SKIDA1: variants seen among roughly 807,000 people sequenced by gnomAD.
SKIDA1 encodes SKI/DACH domain containing 1.
Under a neutral mutation model 51.4 loss-of-function variants are expected in SKIDA1, and 18 were observed. That is an observed-to-expected ratio of 0.35 (90% confidence interval 0.24 to 0.52). SKIDA1 has a LOEUF of 0.52. SKIDA1 is among the 20% of genes least tolerant of loss of function. The pLI, the probability that SKIDA1 is intolerant of heterozygous loss-of-function variation, is 0.95. For synonymous variants in SKIDA1, 579 were observed against 500.5 expected (o/e 1.16, Z -2.09); for missense variants, 1,104 against 1,180.6 (o/e 0.94, Z 0.95).
rs1264404228 is a variant in SKIDA1 at position 21,519,298 on chromosome 10, G to A, written c.-1476C>T. On this transcript the variant is annotated 5_prime_UTR_variant, in exon 4 of 4. Transcript: ENST00000449193. ...TGGTTTGTGATGCTTTTGGTTGGTA[G>A]TTTAGGTAAATCTTCCACAACTCCC... The A allele has an allele frequency of 6.0e-6, 1 of 167,108 alleles. No individual in the cohort carries two copies. The highest frequency in any genetic ancestry group is 1.5e-5 in the Non-Finnish European group (1 of 68,126). The allele number at this position is 167,108 out of a possible 1,614,324, so 10.4% of individuals were successfully genotyped here.
rs1479071614 is a variant in SKIDA1 at position 21,518,189 on chromosome 10, T to C, written c.-367A>G. ...TTCCTTCTCCATTGGAGCACTATGATAATGGAATGTGAAGGGAGAAAGAGA... is the reference window on the plus strand; with the variant it reads ...TTCCTTCTCCATTGGAGCACTATGACAATGGAATGTGAAGGGAGAAAGAGA... On this transcript the variant is annotated 5_prime_UTR_variant, in exon 4 of 4. Transcript: ENST00000449193. 1 of 189,872 alleles carries C rather than the reference T, an allele frequency of 5.3e-6. No homozygotes were observed. The highest frequency in any genetic ancestry group is 2.3e-5 in the African/African-American group (1 of 42,600). The allele number at this position is 189,872 out of a possible 1,614,324, so 11.8% of individuals were successfully genotyped here.
At position 21,523,703 on chromosome 10, in the gene SKIDA1, C is replaced by T. The variant is rs1374080025; in HGVS notation, c.-1949G>A. On this transcript the variant is annotated 5_prime_UTR_variant, in exon 2 of 4. Transcript: ENST00000449193. ...CCTACCTATGGGCTGCTCAGCCATA[C>T]TGAAATCCTGAGCCACCACGAGGGG... 6.6e-6 allele frequency: 1 copy of T among 152,102 alleles called. No homozygotes were observed. Among genetic ancestry groups the T allele is most frequent in the Admixed American group, 6.6e-5 (1 of 15,256 alleles). The allele number at this position is 152,102 out of a possible 1,614,324, so 9.4% of individuals were successfully genotyped here. A position where few individuals can be genotyped will look rare whatever the true frequency, so the allele number is the denominator to read the frequency against.
rs778573636 is a variant in SKIDA1, at chr10:21,514,934, A to C, written c.*162T>G. On this transcript the variant is annotated 3_prime_UTR_variant, in exon 4 of 4. Transcript: ENST00000449193. ...CCCTACTCCAGAAAAAAAAAAAAAA[A>C]CCCGCAACGGAAAAAAAGTAATCCG... 445 of 826,688 alleles carry C rather than the reference A, an allele frequency of 5.4e-4. No homozygotes were observed. Among genetic ancestry groups the C allele is most frequent in the Admixed American group, 6.5e-4 (14 of 21,572 alleles). 51.2% of individuals were successfully genotyped at this position (826,688 alleles called of 1,614,324 possible).
chr10:21,517,840 C>T lies in SKIDA1; in HGVS notation c.-18G>A, dbSNP rs952516810. ...TCTCCCATCTCGGGCACTAAATGAT[C>T]CCCACCATTTGCAGTAAATATATAC... On this transcript the variant is annotated 5_prime_UTR_variant, in exon 4 of 4. Coordinates refer to ENST00000449193, the MANE Select transcript of SKIDA1 (RefSeq NM_207371.4). This position sits in a 1 kb window ranked among gnomAD's most constrained non-coding sequence, Gnocchi z 6.9. 4.4e-6 allele frequency: 7 copies of T among 1,587,736 alleles called. No individual in the cohort carries two copies. Among genetic ancestry groups the T allele is most frequent in the Non-Finnish European group, 6.0e-6 (7 of 1,163,104 alleles).
Position 21,514,325 on chromosome 10 carries a change from C to A in SKIDA1, c.*771G>T, listed in dbSNP as rs758582779. The A allele has an allele frequency of 6.6e-6, 1 of 150,500 alleles. No homozygotes were observed. The highest frequency in any genetic ancestry group is 1.5e-5 in the Non-Finnish European group (1 of 67,732). The allele number at this position is 150,500 out of a possible 1,614,324, so 9.3% of individuals were successfully genotyped here. ...ATAGTAAGAGTCACCTTATTTAAAA[C>A]CTTTGGGTGAGAACACAAAACAGAC... On this transcript the variant is annotated 3_prime_UTR_variant, in exon 4 of 4. Coordinates refer to ENST00000449193, the MANE Select transcript of SKIDA1 (RefSeq NM_207371.4).
chr10:21,516,867 C>T lies in SKIDA1; in HGVS notation c.956G>A (p.Gly319Glu). 7 of 1,306,880 alleles carry T rather than the reference C, an allele frequency of 5.4e-6. No individual in the cohort carries two copies. Among genetic ancestry groups the T allele is most frequent in the Non-Finnish European group, 6.8e-6 (7 of 1,033,052 alleles). 81.0% of individuals were successfully genotyped at this position (1,306,880 alleles called of 1,614,324 possible). A position where few individuals can be genotyped will look rare whatever the true frequency, so the allele number is the denominator to read the frequency against. The change falls in exon 4 of 4, where the codon GGG (glycine) becomes GAG (glutamate). Residue 319 changes from glycine (G) to glutamate (E), a missense_variant. Coordinates refer to ENST00000449193, the MANE Select transcript of SKIDA1 (RefSeq NM_207371.4). This position sits in a 1 kb window ranked among gnomAD's most constrained non-coding sequence, Gnocchi z 5.7. ...ATGAAACCTCTCCAGGCAAGTGGCC[C>T]CCGCGGCGGCCGCCGCCGCCGCTGC... ...AAAAAAAAAAGATCLERFHLV... is the reference protein window; with the variant it reads ...AAAAAAAAAAEATCLERFHLV...
chr10:21,520,497 C>A, intron 3 of SKIDA1, among the ~76,000 whole-genome samples: 1 of 144,138 alleles, frequency 6.9e-6, no homozygotes, highest in Non-Finnish European at 1.5e-5. Context: ...ATTCCCCTCC[C>A]CCAGCTTTAA....
chr10:21,517,510 G>C lies in SKIDA1; in HGVS notation c.313C>G (p.Arg105Gly). Residue 105 changes from arginine to glycine, a missense_variant, in exon 4 of 4, where the codon CGC becomes GGC. This residue lies in a region of SKIDA1 where 938 missense variants were observed against 886.4 expected (regional missense o/e 1.06). Coordinates refer to ENST00000449193, the MANE Select transcript of SKIDA1 (RefSeq NM_207371.4). The surrounding 1 kb of genome is among the most constrained non-coding windows in gnomAD (Gnocchi z 6.9). Reference sequence around the variant, plus strand: ...GCCAGGGCCCGGCCGACCCGCCTGCGCTTGGTCTTGAGGACGCGCTCGGTT... The same window carrying C: ...GCCAGGGCCCGGCCGACCCGCCTGCCCTTGGTCTTGAGGACGCGCTCGGTT... ...CKTERVLKTK[R>G]RRVGRALATK... The C allele has an allele frequency of 6.4e-7, 1 of 1,565,232 alleles. No homozygotes were observed. Among genetic ancestry groups the C allele is most frequent in the Non-Finnish European group, 8.7e-7 (1 of 1,154,926 alleles).
intron 1 of SKIDA1, among the ~76,000 whole-genome samples, chr10:21,524,976 A>C (rs571009445): frequency 6.6e-6 from 1 of 152,210 alleles, no homozygotes; most frequent in Non-Finnish European, 1.5e-5. Context: ...AGGCAGATAT[A>C]GACTAAATAA....
intron 3 of SKIDA1, among the ~76,000 whole-genome samples, chr10:21,520,682 T>C (rs2032369663): frequency 6.6e-6 from 1 of 150,736 alleles, no homozygotes; most frequent in Admixed American, 6.6e-5. Context: ...CTCCTACACA[T>C]AGCAACATGA....
At position 21,515,283 on chromosome 10, in the gene SKIDA1, A is replaced by C; in HGVS notation, c.2540T>G (p.Met847Arg). ...TGATGGTGGACAAGGAAAATTTGCC[A>C]TGAAATGAAATGGCCTTTTCACTGC... The part of the protein sequence containing the change: ...ASAVKRPFHF[M>R]ANFPCPPSLI... The change falls in exon 4 of 4, where the codon ATG becomes AGG. Residue 847 changes from methionine to arginine, a missense_variant. Met to Arg is a moderately conservative substitution (Grantham distance 91). Coordinates refer to ENST00000449193, the MANE Select transcript of SKIDA1 (RefSeq NM_207371.4). 1 of 1,614,036 alleles carries C rather than the reference A, an allele frequency of 6.2e-7. No individual in the cohort carries two copies. The highest frequency in any genetic ancestry group is 8.5e-7 in the Non-Finnish European group (1 of 1,179,892).
chr10:21,517,649 G>A lies in SKIDA1; in HGVS notation c.174C>T (p.His58=). 1 of 1,614,028 alleles carries A rather than the reference G, an allele frequency of 6.2e-7. No homozygotes were observed. The highest frequency in any genetic ancestry group is 8.5e-7 in the Non-Finnish European group (1 of 1,179,900). ...GTTTCCGCAACTCCTCCAGATCGCAGTGGTGCTTCTTCACTTTCAGATGAT... is the reference window on the plus strand; with the variant it reads ...GTTTCCGCAACTCCTCCAGATCGCAATGGTGCTTCTTCACTTTCAGATGAT... The part of the protein sequence containing the change: ...RMDHLKVKKH[H]CDLEELRKLK... Residue 58 remains histidine, a synonymous_variant, in exon 4 of 4, where the codon CAC becomes CAT. Coordinates refer to ENST00000449193, the MANE Select transcript of SKIDA1 (RefSeq NM_207371.4). This position sits in a 1 kb window ranked among gnomAD's most constrained non-coding sequence, Gnocchi z 6.9.
chr10:21,520,021 T>C (rs1299625304), intron 3 of SKIDA1, among the ~76,000 whole-genome samples: 1 of 152,234 alleles, frequency 6.6e-6, no homozygotes. Flanking sequence ...ATCGCCGCTC[T>C]TCAACTTAAT....
In SKIDA1 at chr10:21,517,253, T is replaced by C; in HGVS notation, c.570A>G (p.Lys190=). 6.8e-7 allele frequency: 1 copy of C among 1,472,316 alleles called. No homozygotes were observed. Among genetic ancestry groups the C allele is most frequent in the Non-Finnish European group, 9.0e-7 (1 of 1,109,374 alleles). 91.2% of individuals were successfully genotyped at this position (1,472,316 alleles called of 1,614,324 possible). A position where few individuals can be genotyped will look rare whatever the true frequency, so the allele number is the denominator to read the frequency against. The change falls in exon 4 of 4, where the codon AAA becomes AAG. Residue 190 remains lysine, a synonymous_variant. Coordinates refer to ENST00000449193, the MANE Select transcript of SKIDA1 (RefSeq NM_207371.4). The surrounding 1 kb of genome is among the most constrained non-coding windows in gnomAD (Gnocchi z 6.9). The stretch of plus-strand genomic sequence containing the variant: ...GGGCAGTTTCATAGTTTAGAGGGGG[T>C]TTGCACGGCGAGCGCACGATCTCCG... ...HYPEIVRSPC[K]PPLNYETAPL...
chr10:21,517,037 T>C lies in SKIDA1; in HGVS notation c.786A>G (p.Gly262=), dbSNP rs2131272231. ...GPQPKAAAGA[G]GPGSLSYRCK... ...AGCGGTAGCTCAGGCTCCCCGGGCC[T>C]CCGGCGCCCGCCGCTGCCTTGGGCT... Residue 262 remains glycine, a synonymous_variant, in exon 4 of 4, where the codon GGA becomes GGG. Coordinates refer to ENST00000449193, the MANE Select transcript of SKIDA1 (RefSeq NM_207371.4). This position sits in a 1 kb window ranked among gnomAD's most constrained non-coding sequence, Gnocchi z 6.9. 9.8e-7 allele frequency: 1 copy of C among 1,019,200 alleles called. No individual in the cohort carries two copies. The highest frequency in any genetic ancestry group is 1.2e-6 in the Non-Finnish European group (1 of 858,716). 63.1% of individuals were successfully genotyped at this position (1,019,200 alleles called of 1,614,324 possible). A position where few individuals can be genotyped will look rare whatever the true frequency, so the allele number is the denominator to read the frequency against.
rs2032255561 is a variant in SKIDA1, at chr10:21,517,099, C to T, written c.724G>A (p.Ala242Thr). 7.0e-6 allele frequency: 7 copies of T among 995,464 alleles called. No homozygotes were observed. Among genetic ancestry groups the T allele is most frequent in the African/African-American group, 1.9e-5 (1 of 52,892 alleles). The allele number at this position is 995,464 out of a possible 1,614,324, so 61.7% of individuals were successfully genotyped here. The change falls in exon 4 of 4, where the codon GCC (alanine) becomes ACC (threonine). Residue 242 changes from alanine (A) to threonine (T), a missense_variant. Transcript: ENST00000449193. The surrounding 1 kb of genome is among the most constrained non-coding windows in gnomAD (Gnocchi z 6.9). ...AAAAAAAAAA[A>T]AAYYQVSAAG... ...GCCGATACCTGGTAATAGGCGGCGG[C>T]GGCGGCGGCGGCGGCGGCGGCAGCA...
intron 2 of SKIDA1, among the ~76,000 whole-genome samples, chr10:21,523,446 C>T (rs1191107810): frequency 6.6e-6 from 1 of 152,186 alleles, no homozygotes; most frequent in Non-Finnish European, 1.5e-5. Flanking sequence ...AACCGCCTTT[C>T]CCCCCAATTA....
rs979413962 is a variant in SKIDA1 at position 21,518,001 on chromosome 10, G to C, written c.-179C>G. On this transcript the variant is annotated 5_prime_UTR_variant, in exon 4 of 4. Coordinates refer to ENST00000449193, the MANE Select transcript of SKIDA1 (RefSeq NM_207371.4). ...TGCCAAACTCTAGGCGAAATTATTG[G>C]GGGGGGGGAAACCCCATGAAATTAC... 11 of 544,576 alleles carry C rather than the reference G, an allele frequency of 2.0e-5. No individual in the cohort carries two copies. The Admixed American group carries it at 2.6e-4, about 13-fold the overall frequency. 33.7% of individuals were successfully genotyped at this position (544,576 alleles called of 1,614,324 possible). A position where few individuals can be genotyped will look rare whatever the true frequency, so the allele number is the denominator to read the frequency against.
rs1397137705 is a variant in SKIDA1, at chr10:21,515,870, C to A, written c.1953G>T (p.Ser651=). 1.9e-6 allele frequency: 3 copies of A among 1,613,968 alleles called. No homozygotes were observed. The highest frequency in any genetic ancestry group is 2.2e-5 in the South Asian group (2 of 91,080). ...CPEFATDLPS[S]QTDPEVNAAG... ...CAGCGTTCACTTCAGGATCAGTCTG[C>A]GAAGAGGGCAAATCCGTAGCAAATT... Residue 651 remains serine, a synonymous_variant, in exon 4 of 4, where the codon TCG becomes TCT. Transcript: ENST00000449193.
Sources: gnomAD v4.1 joint callset for allele counts (sites outside exome capture counted in the v4.1 genomes callset) on GRCh38, gnomAD v4.1.1 for gene constraint, gnomAD v4.1.1 regional missense constraint, Gnocchi (gnomAD v3.1) non-coding constraint, MANE v1.5 for transcripts, NCBI Gene and HGNC (gene_info 2026-07-23, HGNC 2026-07-21) for gene names.